The following ERCC6L variants were observed in gnomAD, a reference collection of about 807,000 sequenced individuals.
ERCC6L encodes ERCC excision repair 6 like, spindle assembly checkpoint helicase.
Under a neutral mutation model 20.1 loss-of-function variants are expected in ERCC6L, and 7 were observed. The observed-to-expected ratio is 0.35, with a 90% confidence interval of 0.20 to 0.65. ERCC6L has a LOEUF of 0.65. Among genes scored for constraint, ERCC6L ranks in the 30% least tolerant of loss-of-function variants. The pLI, the probability that ERCC6L is intolerant of heterozygous loss-of-function variation, is 0.69. For synonymous variants in ERCC6L, 278 were observed against 331.3 expected (o/e 0.84, Z 1.75); for missense variants, 592 against 892.4 (o/e 0.66, Z 4.29).
At chrX:72,224,866 T>C (rs2042945636) in intron 1 of ERCC6L, among the ~76,000 whole-genome samples, 2 of 111,054 alleles carry the variant, frequency 1.8e-5, no homozygotes, top group Admixed American at 1.9e-4. Context: ...CACTAAAGGA[T>C]CCTAAGCGCT....
At chrX:72,235,396 T>TC (rs1294177090) in intron 1 of ERCC6L, among the ~76,000 whole-genome samples, 1 of 100,624 alleles carries the variant, frequency 9.9e-6, no homozygotes, top group African/African-American at 3.7e-5. Context: ...CCACTTTTTT[T>TC]TTTTTTTTTT....
intron 1 of ERCC6L, among the ~76,000 whole-genome samples, chrX:72,210,239 AAATAAATG>A (rs1724268217): frequency 9.7e-6 from 1 of 103,496 alleles, no homozygotes; most frequent in Non-Finnish European, 1.9e-5. Context: ...ATAAATAAAT[AAATAAATG>A]GAAAAAAGAT....
Position 72,206,354 on chromosome X carries a change from T to C in ERCC6L, c.2413A>G (p.Thr805Ala). 8.3e-7 allele frequency: 1 copy of C among 1,210,650 alleles called. No homozygotes were observed. The highest frequency in any genetic ancestry group is 1.1e-6 in the Non-Finnish European group (1 of 894,688). The change falls in exon 2 of 2, where the codon ACA (threonine) becomes GCA (alanine). Residue 805 changes from threonine (T) to alanine (A), a missense_variant. Around this residue, in one of 3 missense-constraint regions of ERCC6L, gnomAD observed 352 missense variants for 402.6 expected, o/e 0.87. Coordinates refer to ENST00000334463, the MANE Select transcript of ERCC6L (RefSeq NM_017669.4). Reference protein sequence around the residue: ...NVTTLQDGKGTGSADSIATLP... With the variant: ...NVTTLQDGKGAGSADSIATLP... ...GTAGCTATAGAGTCAGCACTACCTG[T>C]ACCTTTACCATCTTGCAAGGTGGTA...
intron 1 of ERCC6L, among the ~76,000 whole-genome samples, chrX:72,227,177 A>G (rs752764096): frequency 1.1e-4 from 12 of 111,670 alleles, no homozygotes; most frequent in African/African-American, 3.9e-4. Flanking sequence ...CCCACAACCA[A>G]CAAATGGGCT....
At chrX:72,220,432 G>A (rs1428652935) in intron 1 of ERCC6L, among the ~76,000 whole-genome samples, 1 of 111,494 alleles carries the variant, frequency 9.0e-6, no homozygotes, top group African/African-American at 3.3e-5. Context: ...ACATTCTAAA[G>A]TTCACCTTAA....
At position 72,238,882 on chromosome X, in the gene ERCC6L, G is replaced by C; in HGVS notation, c.30C>G (p.Ala10=). The change falls in exon 1 of 2, where the codon GCC becomes GCG. Residue 10 remains alanine, a synonymous_variant. Transcript: ENST00000334463. ...CAGCCTGCTCTGGGCTCAAGGCCTCGGCTTCCGGAAACCTTCGGGATGCCT... is the reference window on the plus strand; with the variant it reads ...CAGCCTGCTCTGGGCTCAAGGCCTCCGCTTCCGGAAACCTTCGGGATGCCT... MEASRRFPE[A]EALSPEQAAH... 1 of 1,196,987 alleles carries C rather than the reference G, an allele frequency of 8.4e-7. No individual in the cohort carries two copies.
Position 72,206,422 on chromosome X carries a change from T to C in ERCC6L, c.2345A>G (p.Lys782Arg). 1 of 1,210,412 alleles carries C rather than the reference T, an allele frequency of 8.3e-7. No homozygotes were observed. Among genetic ancestry groups the C allele is most frequent in the Non-Finnish European group, 1.1e-6 (1 of 894,975 alleles). Reference sequence around the variant, plus strand: ...GGAGAGATCTTGTTTCTCACCCTCTTTGGGCAGATCATCAATGACTACACT... The same window carrying C: ...GGAGAGATCTTGTTTCTCACCCTCTCTGGGCAGATCATCAATGACTACACT... Reference protein sequence around the residue: ...MASVVIDDLPKEGEKQDLSSI... With the variant: ...MASVVIDDLPREGEKQDLSSI... The change falls in exon 2 of 2, where the codon AAA becomes AGA. Residue 782 changes from lysine to arginine, a missense_variant. Lys to Arg is a conservative substitution (Grantham distance 26). Around this residue, in one of 3 missense-constraint regions of ERCC6L, gnomAD observed 352 missense variants for 402.6 expected, o/e 0.87. Transcript: ENST00000334463.
In ERCC6L at chrX:72,207,521, G is replaced by A. The variant is rs1236484804; in HGVS notation, c.1246C>T (p.Leu416=). The change falls in exon 2 of 2, where the codon CTG becomes TTG. Residue 416 remains leucine (L), a synonymous_variant. Transcript: ENST00000334463. ...AAACAACAAGCCCGTGCAGACAGCA[G>A]CCTAGGATGATCACACAGCTTCTTT... is the stretch of plus-strand genomic sequence containing the variant. ...VLKKLCDHPR[L]LSARACCLLN... 1 of 1,211,127 alleles carries A rather than the reference G, an allele frequency of 8.3e-7. No homozygotes were observed. Among genetic ancestry groups the A allele is most frequent in the African/African-American group, 1.7e-5 (1 of 57,769 alleles).
intron 1 of ERCC6L, among the ~76,000 whole-genome samples, chrX:72,210,547 CCTGAAACCCCT>C (rs2056414564): frequency 9.0e-6 from 1 of 111,428 alleles, no homozygotes; most frequent in African/African-American, 3.3e-5. Flanking sequence ...TACCCAGTAT[CCTGAAACCCCT>C]ATGAAACCTG....
chrX:72,234,698 A>G (rs2043006282), intron 1 of ERCC6L, among the ~76,000 whole-genome samples: 1 of 111,387 alleles, frequency 9.0e-6, no homozygotes, highest in African/African-American at 3.3e-5. Flanking sequence ...AGCTAGAAGC[A>G]TGGAGAGTTC....
At chrX:72,238,589 G>C (rs765011234) in intron 1 of ERCC6L, among the ~76,000 whole-genome samples, 1 of 112,595 alleles carries the variant, frequency 8.9e-6, no homozygotes, top group Non-Finnish European at 1.9e-5. Context: ...ATTAATTAAG[G>C]CTCCTCTGGC....
At chrX:72,233,053 C>G (rs1467922017) in intron 1 of ERCC6L, among the ~76,000 whole-genome samples, 1 of 111,461 alleles carries the variant, frequency 9.0e-6, no homozygotes, top group Non-Finnish European at 1.9e-5. Flanking sequence ...ACTTCCTCAT[C>G]ATAAGGGGGA....
intron 1 of ERCC6L, among the ~76,000 whole-genome samples, chrX:72,221,724 C>A (rs1203507776): frequency 1.8e-5 from 2 of 110,777 alleles, no homozygotes; most frequent in Non-Finnish European, 1.9e-5. Context: ...AACTTTATAA[C>A]CAGGAATGGC....
chrX:72,210,092 C>T (rs1311028174), intron 1 of ERCC6L, among the ~76,000 whole-genome samples: 20 of 108,297 alleles, frequency 1.8e-4, no homozygotes, highest in Admixed American at 1.8e-3. Flanking sequence ...GGGCCGGGTG[C>T]GGTGGCTCAT....
At chrX:72,229,125 C>A (rs1368645290) in intron 1 of ERCC6L, among the ~76,000 whole-genome samples, 3 of 111,554 alleles carry the variant, frequency 2.7e-5, no homozygotes, top group Non-Finnish European at 5.6e-5. Flanking sequence ...CATTAAAGGG[C>A]CTATAACTAA....
chrX:72,207,651 T>C lies in ERCC6L; in HGVS notation c.1116A>G (p.Arg372=). ...SRKNDLIIWI[R]LVPLQEEIYR... is the part of the protein sequence containing the mutation. ...ATATTTCTTCTTGTAAAGGCACAAG[T>C]CGTATCCAAATAATTAAATCATTTT... The change falls in exon 2 of 2, where the codon CGA becomes CGG. Residue 372 remains arginine, a synonymous_variant. Coordinates refer to ENST00000334463, the MANE Select transcript of ERCC6L (RefSeq NM_017669.4). The C allele has an allele frequency of 8.3e-7, 1 of 1,209,978 alleles. No individual in the cohort carries two copies. Among genetic ancestry groups the C allele is most frequent in the Non-Finnish European group, 1.1e-6 (1 of 894,715 alleles).
intron 1 of ERCC6L, 21 bp from the exon 2 acceptor site, chrX:72,208,719 A>G (rs1171675377): frequency 8.9e-7 from 1 of 1,122,492 alleles, no homozygotes; most frequent in Non-Finnish European, 1.2e-6. Flanking sequence ...AAAAAGAAGA[A>G]GAGGAGAAAG....
At chrX:72,235,583 C>T (rs151167667) in intron 1 of ERCC6L, among the ~76,000 whole-genome samples, 4 of 109,509 alleles carry the variant, frequency 3.7e-5, no homozygotes, top group Non-Finnish European at 7.6e-5. Context: ...TTTGTAGAAA[C>T]GGTTTCATCA....
At chrX:72,235,848 C>T (rs1216279667) in intron 1 of ERCC6L, among the ~76,000 whole-genome samples, 1 of 111,785 alleles carries the variant, frequency 8.9e-6, no homozygotes, top group Non-Finnish European at 1.9e-5. Context: ...TGGATATCCT[C>T]GGGAGGCCAT....
Sources: allele counts gnomAD v4.1 joint callset (sites outside exome capture counted in the v4.1 genomes callset), GRCh38; gene constraint gnomAD v4.1.1; regional missense constraint gnomAD v4.1.1; transcripts MANE v1.5; gene names NCBI Gene and HGNC (gene_info 2026-07-23, HGNC 2026-07-21).